LRMDA: variants seen among roughly 807,000 people sequenced by gnomAD.
LRMDA encodes the protein leucine rich melanocyte differentiation associated.
In LRMDA, 18 loss-of-function variants were observed where a neutral mutation model predicts 29.8. The observed-to-expected ratio is 0.60, with a 90% CI of 0.42 to 0.90. The LOEUF is 0.90. Among genes scored for constraint, LRMDA ranks in the 40% least tolerant of loss-of-function variants. The pLI, the probability that LRMDA is intolerant of heterozygous loss-of-function variation, is 0.00. For missense variants in LRMDA, 273 were observed against 273.9 expected, an observed-to-expected ratio of 1.00 and a Z score of 0.02; for synonymous variants, 125 against 109.4, an observed-to-expected ratio of 1.14 and a Z score of -0.89.
intron 6 of LRMDA, among the ~76,000 whole-genome samples, chr10:76,548,934 T>A (rs1042455209): frequency 6.6e-6 from 1 of 152,186 alleles, no homozygotes; most frequent in African/African-American, 2.4e-5. Context: ...AACCTGAGTG[T>A]GGGGTCCAGG....
intron 5 of LRMDA, among the ~76,000 whole-genome samples, chr10:76,103,467 C>T (rs1177126942): frequency 6.6e-6 from 1 of 152,172 alleles, no homozygotes; most frequent in Non-Finnish European, 1.5e-5. Context: ...AGATGCAGCA[C>T]ACAGAGCTGC....
chr10:76,181,726 C>A (rs937996565), intron 5 of LRMDA, among the ~76,000 whole-genome samples: 5 of 152,168 alleles, frequency 3.3e-5, no homozygotes, highest in African/African-American at 1.2e-4. Context: ...CTACCATGTT[C>A]AGATAACAGG....
At chr10:76,276,252 GC>G (rs1840133269) in intron 5 of LRMDA, among the ~76,000 whole-genome samples, 1 of 152,018 alleles carries the variant, frequency 6.6e-6, no homozygotes, top group African/African-American at 2.4e-5. Context: ...AGATCCTCCT[GC>G]CTTGGCCTCC....
chr10:76,267,190 G>A (rs371904324), intron 5 of LRMDA, among the ~76,000 whole-genome samples: 66 of 152,034 alleles, frequency 4.3e-4, no homozygotes, highest in African/African-American at 1.5e-3. Flanking sequence ...TTAACTTTAT[G>A]CACATAATTT....
At chr10:76,336,342 T>A (rs890648764) in intron 6 of LRMDA, among the ~76,000 whole-genome samples, 9 of 152,222 alleles carry the variant, frequency 5.9e-5, no homozygotes, top group African/African-American at 1.7e-4. Context: ...GGACGGAGCA[T>A]AACTTCAGTT....
chr10:76,074,858 C>A (rs1467603767), intron 5 of LRMDA, among the ~76,000 whole-genome samples: 2 of 152,118 alleles, frequency 1.3e-5, no homozygotes, highest in African/African-American at 2.4e-5. Flanking sequence ...AGTCCCAGAT[C>A]CCGGTGGTTT....
intron 2 of LRMDA, among the ~76,000 whole-genome samples, chr10:75,619,049 G>T (rs564185369): frequency 6.6e-6 from 1 of 152,026 alleles, no homozygotes; most frequent in Non-Finnish European, 1.5e-5. Flanking sequence ...TGCCCACCTC[G>T]GCCTCCCAAA....
At chr10:75,532,124 A>G (rs1445719924) in intron 2 of LRMDA, among the ~76,000 whole-genome samples, 1 of 151,066 alleles carries the variant, frequency 6.6e-6, no homozygotes, top group Non-Finnish European at 1.5e-5. Context: ...AAATTTTCTT[A>G]AAGGAAACCA....
intron 5 of LRMDA, among the ~76,000 whole-genome samples, chr10:76,315,122 C>T (rs1840675797): frequency 6.6e-6 from 1 of 152,196 alleles, no homozygotes; most frequent in African/African-American, 2.4e-5. Flanking sequence ...GCTGGGTTTT[C>T]TTGGACTAGT....
chr10:76,299,475 T>C (rs956455593), intron 5 of LRMDA, among the ~76,000 whole-genome samples: 2 of 152,216 alleles, frequency 1.3e-5, no homozygotes, highest in African/African-American at 2.4e-5. Context: ...CAGAAGTTCA[T>C]ACAGAAGCTA....
chr10:75,935,676 T>C (rs186831435), intron 2 of LRMDA, among the ~76,000 whole-genome samples: 1 of 152,146 alleles, frequency 6.6e-6, no homozygotes, highest in East Asian at 1.9e-4. Flanking sequence ...AAGATGAGGG[T>C]TCAGGTTAAA....
intron 2 of LRMDA, among the ~76,000 whole-genome samples, 193 bp from the exon 3 acceptor site, chr10:76,035,815 G>T (rs1391305688): frequency 6.6e-6 from 1 of 152,196 alleles, no homozygotes; most frequent in Non-Finnish European, 1.5e-5. Flanking sequence ...TGCGGTGGGT[G>T]CCAGCGGCCC....
intron 2 of LRMDA, among the ~76,000 whole-genome samples, chr10:75,594,237 C>T (rs970032451): frequency 6.6e-6 from 1 of 152,162 alleles, no homozygotes; most frequent in African/African-American, 2.4e-5. Context: ...TCTGGGGGAC[C>T]GGGATGCTGC....
chr10:75,842,584 G>A (rs1844560151), intron 2 of LRMDA, among the ~76,000 whole-genome samples: 1 of 152,192 alleles, frequency 6.6e-6, no homozygotes, highest in Non-Finnish European at 1.5e-5. Context: ...TGAAATAAAA[G>A]AGAATTTTAA....
chr10:75,978,919 G>A (rs187834061), intron 2 of LRMDA, among the ~76,000 whole-genome samples: 45 of 152,184 alleles, frequency 3.0e-4, no homozygotes, highest in Non-Finnish European at 4.1e-4. Context: ...AGATGAGCCA[G>A]GCAATCTGTG....
At chr10:75,443,480 T>C (rs1844353968) in intron 2 of LRMDA, among the ~76,000 whole-genome samples, 1 of 152,192 alleles carries the variant, frequency 6.6e-6, no homozygotes, top group Non-Finnish European at 1.5e-5. Context: ...TGGTATATAT[T>C]ATATATCAAT....
intron 2 of LRMDA, among the ~76,000 whole-genome samples, chr10:75,949,135 G>A (rs1846529955): frequency 6.6e-6 from 1 of 152,002 alleles, no homozygotes; most frequent in Non-Finnish European, 1.5e-5. Flanking sequence ...CTGAAGAAGT[G>A]TTTGTTCACT....
chr10:76,402,062 A>G (rs1386095085), intron 6 of LRMDA, among the ~76,000 whole-genome samples: 1 of 152,126 alleles, frequency 6.6e-6, no homozygotes, highest in African/African-American at 2.4e-5. Flanking sequence ...TGAGTCCCTG[A>G]GTATGGTGCA....
At chr10:76,044,435 CTTTGTTTTTTTTTTTT>C (rs1170129531) in intron 3 of LRMDA, among the ~76,000 whole-genome samples, 1 of 118,042 alleles carries the variant, frequency 8.5e-6, no homozygotes, top group Non-Finnish European at 1.8e-5. Context: ...AGACTTTTTT[CTTTGTTTTTTTTTTTT>C]TTTTTCTTTT....
Sources: allele counts gnomAD v4.1 joint callset (sites outside exome capture counted in the v4.1 genomes callset), GRCh38; gene constraint gnomAD v4.1.1; transcripts MANE v1.5; gene names NCBI Gene and HGNC (gene_info 2026-07-23, HGNC 2026-07-21).